The following MTCL1 variants were observed in gnomAD, a reference collection of about 807,000 sequenced individuals.
MTCL1 encodes microtubule cross-linking factor 1.
In MTCL1, 79 loss-of-function variants were observed where a neutral mutation model predicts 141.4. The ratio of observed to expected loss-of-function variants is 0.56; its 90% CI spans 0.47 to 0.67. The LOEUF (loss-of-function observed/expected upper bound fraction) is 0.67, where lower values mean the gene tolerates loss of function less well. Among genes scored for constraint, MTCL1 ranks in the 30% least tolerant of loss-of-function variants. MTCL1 has a pLI of 0.00. For synonymous variants in MTCL1, 914 were observed against 875.8 expected, an observed-to-expected ratio of 1.04 and a Z score of -0.77; for missense variants, 2,177 against 2,113.9, an observed-to-expected ratio of 1.03 and a Z score of -0.59.
chr18:8,729,248 G>A lies in MTCL1; in HGVS notation c.357+8752G>A, dbSNP rs553305854. On this transcript the variant is annotated intron_variant, in intron 4 of 16. Coordinates refer to ENST00000359865, the Ensembl canonical transcript of MTCL1. ...TTTCCGTATTTTTTGGAGAGACAGG[G>A]TTTTGCCATTTTGCTCAGTCTGGTC... Among the ~76,000 whole-genome samples the A allele has an allele frequency of 2.7e-5, 4 of 146,480 alleles. No homozygotes were observed. In the South Asian group the frequency reaches 8.6e-4, roughly 32 times the overall value.
intron 4 of MTCL1, among the ~76,000 whole-genome samples, chr18:8,762,325 G>A (rs982909007): frequency 2.0e-5 from 3 of 152,256 alleles, no homozygotes; most frequent in African/African-American, 7.2e-5. Flanking sequence ...ACCCCTGCCT[G>A]TGAATGTGCA....
chr18:8,751,120 G>T (rs549360183), intron 4 of MTCL1, among the ~76,000 whole-genome samples: 1 of 152,152 alleles, frequency 6.6e-6, no homozygotes, highest in Non-Finnish European at 1.5e-5. Flanking sequence ...CATCTTTTCC[G>T]CACATGGACT....
At chr18:8,723,744 C>T (rs563786138) in intron 4 of MTCL1, among the ~76,000 whole-genome samples, 23 of 152,272 alleles carry the variant, frequency 1.5e-4, no homozygotes, top group South Asian at 1.2e-3. Flanking sequence ...TCCCCAAGGC[C>T]GATGATGGTG....
chr18:8,828,059 T>C lies in MTCL1; in HGVS notation c.4723-849T>C, dbSNP rs1245698820. On this transcript the variant is annotated intron_variant, in intron 15 of 16. Coordinates refer to ENST00000359865, the Ensembl canonical transcript of MTCL1. The surrounding 1 kb of genome is among the most constrained non-coding windows in gnomAD (Gnocchi z 5.2). ...TCTTTTTTCCATTTCTGTTGGAATT[T>C]TCCTCGTTCTAGATTCCAGTGGGAT... Among the ~76,000 whole-genome samples, 6 of 152,228 alleles carry C rather than the reference T, an allele frequency of 3.9e-5. No individual in the cohort carries two copies. The highest frequency in any genetic ancestry group is 1.4e-4 in the African/African-American group (6 of 41,462).
intron 1 of MTCL1, among the ~76,000 whole-genome samples, chr18:8,711,657 T>C (rs2096093169): frequency 6.6e-6 from 1 of 151,834 alleles, no homozygotes; most frequent in Admixed American, 6.6e-5. Flanking sequence ...TGAGCATTTT[T>C]TCATGTGTTT....
chr18:8,766,900 C>G (rs3810049), intron 4 of MTCL1, among the ~76,000 whole-genome samples: 4,471 of 152,276 alleles, frequency 0.029, 197 homozygotes, highest in East Asian at 0.09. Flanking sequence ...GAAGCTTGTT[C>G]ATTCCCAGCC....
intron 4 of MTCL1, among the ~76,000 whole-genome samples, chr18:8,752,149 G>A (rs780579885): frequency 6.6e-6 from 1 of 152,184 alleles, no homozygotes; most frequent in African/African-American, 2.4e-5. Context: ...GCTGATTTGG[G>A]GAGAAGAGGG....
chr18:8,808,898 G>A (rs2076390280), intron 11 of MTCL1, among the ~76,000 whole-genome samples: 1 of 152,216 alleles, frequency 6.6e-6, no homozygotes. Context: ...TAGGCTGTCA[G>A]GGAACAGGAA....
chr18:8,811,769 G>A (rs913992260), intron 11 of MTCL1, among the ~76,000 whole-genome samples: 3 of 152,142 alleles, frequency 2.0e-5, no homozygotes, highest in Non-Finnish European at 4.4e-5. Context: ...TTACAGGATT[G>A]CAGTAGACAC....
At chr18:8,724,665 C>A (rs141822568) in intron 4 of MTCL1, among the ~76,000 whole-genome samples, 1 of 152,124 alleles carries the variant, frequency 6.6e-6, no homozygotes, top group East Asian at 1.9e-4. Context: ...CCTATTACCC[C>A]CTAACCCATC....
At chr18:8,769,392 TATAATTTACAG>T (rs2096475154) in intron 4 of MTCL1, among the ~76,000 whole-genome samples, 1 of 152,332 alleles carries the variant, frequency 6.6e-6, no homozygotes, top group South Asian at 2.1e-4. Flanking sequence ...GCACTGTAGT[TATAATTTACAG>T]TTTTACTTTA....
At chr18:8,755,405 C>A (rs918445002) in intron 4 of MTCL1, among the ~76,000 whole-genome samples, 29 of 152,136 alleles carry the variant, frequency 1.9e-4, no homozygotes, top group African/African-American at 6.8e-4. Context: ...TGGGTGGTGG[C>A]GAGGTCGTTC....
intron 4 of MTCL1, among the ~76,000 whole-genome samples, chr18:8,769,399 T>A (rs1339383929): frequency 1.3e-5 from 2 of 152,234 alleles, no homozygotes; most frequent in African/African-American, 4.8e-5. Context: ...AGTTATAATT[T>A]ACAGTTTTAC....
At chr18:8,831,249 A>G (rs1401763674) in intron 16 of MTCL1, 1 of 1,076,876 alleles carries the variant, frequency 9.3e-7, no homozygotes, top group Non-Finnish European at 1.1e-6. Flanking sequence ...AAATGAACAG[A>G]TCTACCAGAT....
chr18:8,825,271 G>A lies in MTCL1; in HGVS notation c.3761G>A (p.Arg1254Gln), dbSNP rs761657359. The A allele has an allele frequency of 3.2e-5, 50 of 1,571,986 alleles. No homozygotes were observed. Among genetic ancestry groups the A allele is most frequent in the East Asian group, 4.5e-5 (2 of 44,656 alleles). ...TCCCGGGACTATGTGGAGGGGGCAC[G>A]GCGCCCCCTTGATAGTCCCCTCTGT... is the stretch of plus-strand genomic sequence containing the variant. The change falls in exon 15 of 17, where the codon CGG (arginine) becomes CAG (glutamine). Residue 1254 changes from arginine (R) to glutamine (Q), a missense_variant. Coordinates refer to ENST00000359865, the Ensembl canonical transcript of MTCL1.
chr18:8,748,896 G>T (rs1408739691), intron 4 of MTCL1, among the ~76,000 whole-genome samples: 1 of 151,994 alleles, frequency 6.6e-6, no homozygotes, highest in Non-Finnish European at 1.5e-5. Context: ...CCTTCTTGGG[G>T]GTCATCACAG....
Position 8,779,613 on chromosome 18 carries a change from G to T in MTCL1, c.417+1721G>T, listed in dbSNP as rs1365671203. On this transcript the variant is annotated intron_variant, in intron 5 of 16. Transcript: ENST00000359865. This position sits in a 1 kb window ranked among gnomAD's most constrained non-coding sequence, Gnocchi z 4.1. The stretch of plus-strand genomic sequence containing the variant: ...ACACAACACCCGGCAGGTGCAGCGG[G>T]CCCTGCTCCAGCTGCCTCGACCTCA... Among the ~76,000 whole-genome samples, 1 of 152,074 alleles carries T rather than the reference G, an allele frequency of 6.6e-6. No individual in the cohort carries two copies. Among genetic ancestry groups the T allele is most frequent in the South Asian group, 2.1e-4 (1 of 4,806 alleles).
intron 4 of MTCL1, among the ~76,000 whole-genome samples, chr18:8,756,869 A>G (rs2096404575): frequency 6.6e-6 from 1 of 152,146 alleles, no homozygotes; most frequent in South Asian, 2.1e-4. Context: ...TTCCCTGTGA[A>G]GTTAGCTGGA....
intron 4 of MTCL1, among the ~76,000 whole-genome samples, chr18:8,777,416 C>T (rs190144860): frequency 6.6e-6 from 1 of 152,214 alleles, no homozygotes; most frequent in Admixed American, 6.5e-5. Flanking sequence ...TTAATTCTCA[C>T]ATTAGCCCAA....
Sources: allele counts gnomAD v4.1 joint callset (sites outside exome capture counted in the v4.1 genomes callset), GRCh38; gene constraint gnomAD v4.1.1; non-coding constraint Gnocchi (gnomAD v3.1); transcripts MANE v1.5; gene names NCBI Gene and HGNC (gene_info 2026-07-23, HGNC 2026-07-21).